Variants in LHFPL3 observed in about 807,000 individuals in gnomAD.
LHFPL3 encodes the protein LHFPL tetraspan subfamily member 3 protein.
A neutral mutation model predicts 19.3 loss-of-function variants in LHFPL3; 5 were observed. The ratio of observed to expected loss-of-function variants is 0.26; its 90% CI spans 0.14 to 0.54. The LOEUF (loss-of-function observed/expected upper bound fraction) is 0.54. Ranked by LOEUF, LHFPL3 falls within the 20% of genes least tolerant of loss-of-function variation. LHFPL3 has a pLI of 0.94. For synonymous variants in LHFPL3, 133 were observed against 126.2 expected, an observed-to-expected ratio of 1.05 and a Z score of -0.36; for missense variants, 249 against 307.4, an observed-to-expected ratio of 0.81 and a Z score of 1.42.
intron 2 of LHFPL3, among the ~76,000 whole-genome samples, chr7:104,855,201 G>A (rs907597161): frequency 6.6e-6 from 1 of 152,208 alleles, no homozygotes; most frequent in African/African-American, 2.4e-5. Flanking sequence ...GTGAGACACC[G>A]TGTCATGATG....
chr7:104,669,402 C>T, intron 1 of LHFPL3: 1 of 1,613,666 alleles, frequency 6.2e-7, no homozygotes, highest in Non-Finnish European at 8.5e-7. Context: ...GGAACAGAGA[C>T]CACTGGAAGG....
chr7:104,655,218 C>T (rs1181611485), intron 1 of LHFPL3, among the ~76,000 whole-genome samples: 1 of 152,144 alleles, frequency 6.6e-6, no homozygotes, highest in Admixed American at 6.5e-5. Context: ...TGTTCTGTCT[C>T]TTCGGTTGTC....
rs1801507821 is a variant in LHFPL3, at chr7:104,328,639, C to T, written c.-141C>T. ...CTCCTTCCGGGAGCGAGGATGCAGA[C>T]TCTGAAACTGGTGCTGCTGGGCTGA... On this transcript the variant is annotated 5_prime_UTR_variant, in exon 1 of 3. Transcript: ENST00000424859. The surrounding 1 kb of genome is among the most constrained non-coding windows in gnomAD (Gnocchi z 4.6). 1 of 744,502 alleles carries T rather than the reference C, an allele frequency of 1.3e-6. No individual in the cohort carries two copies. Among genetic ancestry groups the T allele is most frequent in the African/African-American group, 1.7e-5 (1 of 57,466 alleles). The allele number at this position is 744,502 out of a possible 1,614,324, so 46.1% of individuals were successfully genotyped here.
intron 1 of LHFPL3, among the ~76,000 whole-genome samples, chr7:104,608,306 C>G (rs1431889428): frequency 6.6e-6 from 1 of 151,926 alleles, no homozygotes; most frequent in Non-Finnish European, 1.5e-5. Context: ...CCATGGGATA[C>G]TATGCAGCCA....
chr7:104,588,068 C>A (rs563448634), intron 1 of LHFPL3, among the ~76,000 whole-genome samples: 3 of 152,216 alleles, frequency 2.0e-5, no homozygotes, highest in African/African-American at 7.2e-5. Flanking sequence ...CTGTAGGTTG[C>A]CTGTTCACTC....
At chr7:104,372,160 T>C (rs1278682051) in intron 1 of LHFPL3, among the ~76,000 whole-genome samples, 1 of 152,186 alleles carries the variant, frequency 6.6e-6, no homozygotes, top group African/African-American at 2.4e-5. Context: ...TTTCTTCCTG[T>C]AGCTGGAGGT....
intron 1 of LHFPL3, among the ~76,000 whole-genome samples, chr7:104,733,962 A>G (rs1793752863): frequency 6.6e-6 from 1 of 152,146 alleles, no homozygotes; most frequent in South Asian, 2.1e-4. Context: ...AAAGGATTTT[A>G]TTTCTCCTTC....
At chr7:104,334,765 A>G (rs1168340235) in intron 1 of LHFPL3, among the ~76,000 whole-genome samples, 2 of 152,192 alleles carry the variant, frequency 1.3e-5, no homozygotes, top group African/African-American at 4.8e-5. Context: ...GATCTTTATT[A>G]CAGCATTGGG....
At chr7:104,518,810 G>GATAA (rs1793978738) in intron 1 of LHFPL3, among the ~76,000 whole-genome samples, 1 of 146,006 alleles carries the variant, frequency 6.8e-6, no homozygotes, top group South Asian at 2.1e-4. Context: ...TAGATAGATA[G>GATAA]ATAGATAGAT....
At chr7:104,395,857 ACT>A (rs1277949827) in intron 1 of LHFPL3, among the ~76,000 whole-genome samples, 2 of 152,194 alleles carry the variant, frequency 1.3e-5, no homozygotes, top group Non-Finnish European at 2.9e-5. Flanking sequence ...ACTTTGCAAC[ACT>A]CTCAAAAAAT....
intron 1 of LHFPL3, among the ~76,000 whole-genome samples, chr7:104,410,770 A>T (rs2116512263): frequency 6.6e-6 from 1 of 152,380 alleles, no homozygotes; most frequent in Admixed American, 6.5e-5. Context: ...AAATGTAATC[A>T]CCAACCAATC....
intron 2 of LHFPL3, among the ~76,000 whole-genome samples, chr7:104,789,046 T>G (rs141892317): frequency 0.012 from 1,846 of 152,330 alleles, 35 homozygotes; most frequent in African/African-American, 0.042. Flanking sequence ...GACTATGCTT[T>G]TTTAAAAAAT....
intron 1 of LHFPL3, among the ~76,000 whole-genome samples, chr7:104,665,297 A>G (rs145555757): frequency 5.9e-4 from 90 of 152,304 alleles, no homozygotes; most frequent in African/African-American, 2.1e-3. Context: ...TCATCAGAAC[A>G]CTCAGCAACT....
At chr7:104,663,618 A>C (rs1792272846) in intron 1 of LHFPL3, among the ~76,000 whole-genome samples, 1 of 152,262 alleles carries the variant, frequency 6.6e-6, no homozygotes, top group Admixed American at 6.5e-5. Flanking sequence ...TGGGAAGCCA[A>C]AGACAGTTAT....
At chr7:104,469,926 G>A (rs1373545654) in intron 1 of LHFPL3, 6 of 440,778 alleles carry the variant, frequency 1.4e-5, no homozygotes, top group African/African-American at 1.0e-4. Flanking sequence ...TTCCCTCTGA[G>A]CACAGTTATA....
At chr7:104,788,078 G>T (rs56196942) in intron 2 of LHFPL3, among the ~76,000 whole-genome samples, 3,333 of 152,280 alleles carry the variant, frequency 0.022, 120 homozygotes, top group African/African-American at 0.075. Flanking sequence ...TATAAACTAT[G>T]TGGTGCCGTA....
intron 1 of LHFPL3, among the ~76,000 whole-genome samples, chr7:104,672,460 CGTAA>C (rs1174445291): frequency 2.0e-5 from 3 of 151,988 alleles, no homozygotes; most frequent in African/African-American, 7.3e-5. Context: ...GGAATGAATG[CGTAA>C]GTGAGTAAGG....
At chr7:104,542,045 C>T (rs980649459) in intron 1 of LHFPL3, among the ~76,000 whole-genome samples, 6 of 151,900 alleles carry the variant, frequency 3.9e-5, no homozygotes, top group African/African-American at 1.5e-4. Flanking sequence ...CATCTCAGTG[C>T]AGTGCTGCTG....
intron 2 of LHFPL3, among the ~76,000 whole-genome samples, chr7:104,775,623 C>T (rs12705276): frequency 0.15 from 22,926 of 151,970 alleles, 2,114 homozygotes; most frequent in East Asian, 0.45. Flanking sequence ...TTAAAAATAC[C>T]CTCTCATGCC....
Sources: gnomAD v4.1 joint callset for allele counts (sites outside exome capture counted in the v4.1 genomes callset) on GRCh38, gnomAD v4.1.1 for gene constraint, Gnocchi (gnomAD v3.1) non-coding constraint, MANE v1.5 for transcripts, NCBI Gene and HGNC (gene_info 2026-07-23, HGNC 2026-07-21) for gene names.